The following TTLL8 variants were observed in gnomAD, a reference collection of about 807,000 sequenced individuals.
TTLL8 encodes the protein protein monoglycylase TTLL8.
In TTLL8, 65 loss-of-function variants were observed where a neutral mutation model predicts 77.8. That is an observed-to-expected ratio of 0.84 (90% CI 0.68 to 1.03). The LOEUF is 1.03. Ranked by LOEUF, TTLL8 falls within the 50% of genes least tolerant of loss-of-function variation. The pLI is 0.00. For missense variants in TTLL8, 910 were observed against 1,004.5 expected (o/e 0.91, Z 1.27); for synonymous variants, 402 against 422.8 (o/e 0.95, Z 0.60).
chr22:50,056,983 A>G (rs1257726999), upstream of TTLL8: 10 of 1,287,078 alleles, frequency 7.8e-6, no homozygotes, highest in East Asian at 5.6e-4. This position sits in a 1 kb window ranked among gnomAD's most constrained non-coding sequence, Gnocchi z 4.1. Flanking sequence ...CCTAGAGGAG[A>G]GGGTGTGGTG....
rs946437003 is a variant in TTLL8 at position 50,044,497 on chromosome 22, G to T, written c.643+758C>A. On this transcript the variant is annotated intron_variant, in intron 6 of 13. Transcript: ENST00000266182. The surrounding 1 kb of genome is among the most constrained non-coding windows in gnomAD (Gnocchi z 4.2). ...GCACAAATGAAGCCACCGCTCCAGC[G>T]TTCACCAATCAGGATTTATTTCCTC... Among the ~76,000 whole-genome samples the T allele has an allele frequency of 2.0e-5, 3 of 152,158 alleles. No individual in the cohort carries two copies. The highest frequency in any genetic ancestry group is 6.5e-5 in the Admixed American group (1 of 15,274).
At chr22:50,027,171 T>C (rs1264886251) in intron 12 of TTLL8, among the ~76,000 whole-genome samples, 1 of 131,236 alleles carries the variant, frequency 7.6e-6, no homozygotes, top group Admixed American at 7.5e-5. Context: ...AGGAGGTGGA[T>C]GTTGCAGTGA....
chr22:50,037,762 T>G (rs1276958392), intron 8 of TTLL8, among the ~76,000 whole-genome samples: 1 of 152,206 alleles, frequency 6.6e-6, no homozygotes, highest in Non-Finnish European at 1.5e-5. Flanking sequence ...TCTTAACTAT[T>G]GTAAACCTAG....
intron 3 of TTLL8, among the ~76,000 whole-genome samples, chr22:50,048,880 G>T: frequency 6.6e-6 from 1 of 152,184 alleles, no homozygotes; most frequent in Middle Eastern, 3.2e-3. Flanking sequence ...TGTGTTGCTG[G>T]AGACAGGAGC....
chr22:50,034,426 G>T lies in TTLL8; in HGVS notation c.958C>A (p.Pro320Thr), dbSNP rs911472094. 1 of 1,367,302 alleles carries T rather than the reference G, an allele frequency of 7.3e-7. No individual in the cohort carries two copies. Among genetic ancestry groups the T allele is most frequent in the Non-Finnish European group, 9.8e-7 (1 of 1,021,822 alleles). The allele number at this position is 1,367,302 out of a possible 1,614,324, so 84.7% of individuals were successfully genotyped here. The change falls in exon 9 of 14, where the codon CCT becomes ACT. Residue 320 changes from proline to threonine, a missense_variant. Pro to Thr is a conservative substitution (Grantham distance 38). This residue lies in a region of TTLL8 where 776 missense variants were observed against 926.1 expected (regional missense o/e 0.84). Transcript: ENST00000266182. This position sits in a 1 kb window ranked among gnomAD's most constrained non-coding sequence, Gnocchi z 4.1. The stretch of plus-strand genomic sequence containing the variant: ...CGGAGCCCGTCAATGTCCGTCTGAG[G>T]GTTCACAGACGTGATTCTATTCAGC...
Position 50,047,312 on chromosome 22 carries a change from T to C in TTLL8, c.265-16A>G, listed in dbSNP as rs202062295. ...CCAACCTAGACTGGCAAGAAAAAAG[T>C]CTTTATTGATGCCCAGCATTCAAGG... On this transcript the variant is annotated splice_polypyrimidine_tract_variant and intron_variant, in intron 3 of 13. Transcript: ENST00000266182. 185 of 1,366,818 alleles carry C rather than the reference T, an allele frequency of 1.4e-4. 1 individual carries two copies. Among genetic ancestry groups the C allele is most frequent in the Admixed American group, 6.1e-4 (32 of 52,480 alleles). 84.7% of individuals were successfully genotyped at this position (1,366,818 alleles called of 1,614,324 possible).
intron 12 of TTLL8, among the ~76,000 whole-genome samples, chr22:50,029,518 A>G (rs768436365): frequency 6.6e-6 from 1 of 152,000 alleles, no homozygotes; most frequent in Non-Finnish European, 1.5e-5. Context: ...GAGGCGGCGG[A>G]TCACGAGGTC....
rs374564058 is a variant in TTLL8, at chr22:50,041,147, G to A, written c.921+40C>T. On this transcript the variant is annotated intron_variant, in intron 8 of 13. Coordinates refer to ENST00000266182, the Ensembl canonical transcript of TTLL8. This position sits in a 1 kb window ranked among gnomAD's most constrained non-coding sequence, Gnocchi z 4.3. ...TGCCAGTCACTCACCAACACCAAGA[G>A]TGAGGCAGGTGCCCCAGTGGAGAGA... The A allele has an allele frequency of 7.6e-6, 3 of 396,702 alleles. No homozygotes were observed. Among genetic ancestry groups the A allele is most frequent in the African/African-American group, 4.4e-5 (2 of 45,162 alleles). The allele number at this position is 396,702 out of a possible 1,614,324, so 24.6% of individuals were successfully genotyped here.
At chr22:50,035,158 C>T (rs934362317) in intron 8 of TTLL8, among the ~76,000 whole-genome samples, 9 of 152,102 alleles carry the variant, frequency 5.9e-5, no homozygotes, top group African/African-American at 1.7e-4. Context: ...CCCCAGGGCC[C>T]GCTGGAGCCG....
intron 12 of TTLL8, among the ~76,000 whole-genome samples, chr22:50,024,468 A>G (rs2061220882): frequency 6.6e-6 from 1 of 152,210 alleles, no homozygotes; most frequent in Non-Finnish European, 1.5e-5. Context: ...AAGGATAGGT[A>G]AATAGATTGT....
At chr22:50,049,191 A>G in intron 3 of TTLL8, 58 bp downstream of exon 5, 3 of 1,365,758 alleles carry the variant, frequency 2.2e-6, no homozygotes, top group Non-Finnish European at 2.9e-6. Flanking sequence ...GAGCAGGGCG[A>G]CGGTGTGAGA....
intron 12 of TTLL8, chr22:50,030,128 C>T (rs1263299417): frequency 3.1e-6 from 3 of 973,944 alleles, no homozygotes; most frequent in Non-Finnish European, 3.7e-6. Flanking sequence ...CTCCGACCCG[C>T]GCCACACCCC....
intron 5 of TTLL8, 111 bp downstream of exon 7, chr22:50,045,745 C>G (rs555538854): frequency 6.5e-6 from 8 of 1,227,306 alleles, no homozygotes; most frequent in Non-Finnish European, 7.3e-6. Context: ...GGCCTCTCCC[C>G]GGTCCTCTAT....
Position 50,041,639 on chromosome 22 carries a change from T to C in TTLL8, c.812A>G (p.Gln271Arg), listed in dbSNP as rs768133394. ...GTCTTACTGAACGAGGGAGTAGTAC[T>C]GCTGGGTCAGGTCCTCCCACTCGGC... Residue 271 changes from glutamine to arginine, a missense_variant, in exon 7 of 14, where the codon CAG becomes CGG. Physicochemically the swap from Gln to Arg is conservative, Grantham distance 43. Around this residue, in one of 2 missense-constraint regions of TTLL8, gnomAD observed 776 missense variants for 926.1 expected, o/e 0.84. Transcript: ENST00000266182. The surrounding 1 kb of genome is among the most constrained non-coding windows in gnomAD (Gnocchi z 4.3). 5.1e-6 allele frequency: 7 copies of C among 1,365,312 alleles called. No individual in the cohort carries two copies. Among genetic ancestry groups the C allele is most frequent in the South Asian group, 1.1e-5 (1 of 87,840 alleles). 84.6% of individuals were successfully genotyped at this position (1,365,312 alleles called of 1,614,324 possible).
At chr22:50,021,084 T>G (rs1299085795) in intron 12 of TTLL8, among the ~76,000 whole-genome samples, 1 of 138,184 alleles carries the variant, frequency 7.2e-6, no homozygotes, top group Non-Finnish European at 1.6e-5. Flanking sequence ...CATCTGATGA[T>G]GTGCACTCCT....
chr22:50,032,837 C>T (rs1442066271), intron 10 of TTLL8, among the ~76,000 whole-genome samples: 1 of 152,196 alleles, frequency 6.6e-6, no homozygotes, highest in Admixed American at 6.5e-5. Flanking sequence ...GGGCAGCACA[C>T]TTGCGGATAT....
intron 1 of TTLL8, among the ~76,000 whole-genome samples, chr22:50,052,004 C>G (rs1346279849): frequency 2.6e-5 from 4 of 152,164 alleles, no homozygotes; most frequent in African/African-American, 9.7e-5. Context: ...GCTGGGAACC[C>G]TGAGTCTGAG....
rs548467681 is a variant in TTLL8, at chr22:50,027,231, G to A, written c.2203+3199C>T. ...AGCCTGGGAGACAGAACGGGACTCC[G>A]TCTCAAAAAAAAAAAAAATCTGCTG... On this transcript the variant is annotated intron_variant, in intron 12 of 13. Coordinates refer to ENST00000266182, the Ensembl canonical transcript of TTLL8. 3.1e-5 allele frequency among the ~76,000 whole-genome samples: 4 copies of A among 130,552 alleles called. No individual in the cohort carries two copies. The South Asian group carries it at 7.4e-4, about 24-fold the overall frequency. The allele number at this position is 130,552 out of a possible 152,430, so 85.6% of individuals were successfully genotyped here.
At chr22:50,056,972 C>T (rs1286087096), upstream of TTLL8, 5 of 1,288,406 alleles carry the variant, frequency 3.9e-6, no homozygotes, top group Non-Finnish European at 5.1e-6. The surrounding 1 kb of genome is among the most constrained non-coding windows in gnomAD (Gnocchi z 4.1). Context: ...CTCCTCTGAC[C>T]CCTAGAGGAG....
Sources: gnomAD v4.1 joint callset for allele counts (sites outside exome capture counted in the v4.1 genomes callset) on GRCh38, gnomAD v4.1.1 for gene constraint, gnomAD v4.1.1 regional missense constraint, Gnocchi (gnomAD v3.1) non-coding constraint, MANE v1.5 for transcripts, NCBI Gene and HGNC (gene_info 2026-07-23, HGNC 2026-07-21) for gene names.